Variants in PTPN6 observed in about 807,000 individuals in gnomAD.
PTPN6 encodes the protein tyrosine-protein phosphatase non-receptor type 6.
In PTPN6, 18 loss-of-function variants were observed where a neutral mutation model predicts 81.5. The ratio of observed to expected loss-of-function variants is 0.22; its 90% CI spans 0.15 to 0.33. The LOEUF (loss-of-function observed/expected upper bound fraction) is 0.33, where lower values mean the gene tolerates loss of function less well. Ranked by LOEUF, PTPN6 falls within the 10% of genes least tolerant of loss-of-function variation. The probability of loss-of-function intolerance (pLI) is 1.00; values close to 1 mark genes in which losing one functional copy is unlikely to be tolerated. For missense variants in PTPN6, 500 were observed against 794.2 expected (o/e 0.63, Z 4.45); for synonymous variants, 301 against 310.9 (o/e 0.97, Z 0.33).
rs1337693470 is a variant in PTPN6, at chr12:6,952,300, A to C, written c.326+123A>C. 4.2e-6 allele frequency: 5 copies of C among 1,179,086 alleles called. No homozygotes were observed. In the African/African-American group the frequency reaches 4.5e-5, roughly 11 times the overall value. The allele number at this position is 1,179,086 out of a possible 1,614,324, so 73.0% of individuals were successfully genotyped here. A position where few individuals can be genotyped will look rare whatever the true frequency, so the allele number is the denominator to read the frequency against. On this transcript the variant is annotated intron_variant, in intron 3 of 15. Coordinates refer to ENST00000318974, the MANE Select transcript of PTPN6 (RefSeq NM_002831.6). The surrounding 1 kb of genome is among the most constrained non-coding windows in gnomAD (Gnocchi z 8.1). The stretch of plus-strand genomic sequence containing the variant: ...ACCCTCCATCCCCTCCCCTCCCTGC[A>C]CCAGCTGGGGCTCTCAATGTCCCTC...
Position 6,956,599 on chromosome 12 carries a change from C to T in PTPN6, c.1074+31C>T. On this transcript the variant is annotated intron_variant, in intron 9 of 15. Transcript: ENST00000318974. This position sits in a 1 kb window ranked among gnomAD's most constrained non-coding sequence, Gnocchi z 4.1. ...GCGCCCCCCCTTCCCCGCATCCGCC[C>T]CCGTGCTTGTGGTCATGCCATTAAG... The T allele has an allele frequency of 1.9e-6, 3 of 1,612,566 alleles. No homozygotes were observed. The highest frequency in any genetic ancestry group is 1.7e-6 in the Non-Finnish European group (2 of 1,179,796).
upstream of PTPN6, chr12:6,951,215 G>A: frequency 1.1e-5 from 15 of 1,415,930 alleles, no homozygotes; most frequent in South Asian, 2.1e-4. This position sits in a 1 kb window ranked among gnomAD's most constrained non-coding sequence, Gnocchi z 7.2. Flanking sequence ...CGTGTGGGAA[G>A]TGGGCCCCGT....
upstream of PTPN6, among the ~76,000 whole-genome samples, chr12:6,948,259 C>T (rs140150745): frequency 3.4e-4 from 52 of 151,856 alleles, no homozygotes; most frequent in African/African-American, 1.2e-3. Context: ...ATCTCTACTA[C>T]GACTACGACT....
chr12:6,960,303 C>T lies in PTPN6; in HGVS notation c.1582-41C>T, dbSNP rs1555149582. 1.2e-6 allele frequency: 2 copies of T among 1,611,008 alleles called. No individual in the cohort carries two copies. Among genetic ancestry groups the T allele is most frequent in the Admixed American group, 3.3e-5 (2 of 59,988 alleles). On this transcript the variant is annotated intron_variant, in intron 13 of 15. Coordinates refer to ENST00000318974, the MANE Select transcript of PTPN6 (RefSeq NM_002831.6). The surrounding 1 kb of genome is among the most constrained non-coding windows in gnomAD (Gnocchi z 6.1). The stretch of plus-strand genomic sequence containing the variant: ...AGTGCAGGATGGGTGCCACCTGGCC[C>T]TGCTGGGACCACCACCTTCCCACTG...
chr12:6,960,535 CT>C lies in PTPN6; in HGVS notation c.1673+101del, dbSNP rs1328783885. ...GGACAAGTGTTGCAGCTGGGGGGAC[CT>C]GGCTTCAAGTTCAGGCTTGGTTCTC... is the stretch of plus-strand genomic sequence containing the variant. On this transcript the variant is annotated intron_variant, in intron 14 of 15. Coordinates refer to ENST00000318974, the MANE Select transcript of PTPN6 (RefSeq NM_002831.6). The surrounding 1 kb of genome is among the most constrained non-coding windows in gnomAD (Gnocchi z 6.1). 5.2e-5 allele frequency: 76 copies of C among 1,457,396 alleles called. No homozygotes were observed. The highest frequency in any genetic ancestry group is 7.0e-5 in the Non-Finnish European group (74 of 1,061,272). 90.3% of individuals were successfully genotyped at this position (1,457,396 alleles called of 1,614,324 possible). A position where few individuals can be genotyped will look rare whatever the true frequency, so the allele number is the denominator to read the frequency against.
upstream of PTPN6, chr12:6,946,613 G>C (rs1945821332): frequency 2.4e-6 from 2 of 846,920 alleles, no homozygotes; most frequent in African/African-American, 3.4e-5. Flanking sequence ...GGAAGTGGCT[G>C]ATTACTGAGC....
rs1555147740 is a variant in PTPN6 at position 6,951,585 on chromosome 12, C to T, written c.9-24C>T. The stretch of plus-strand genomic sequence containing the variant: ...GCCTGGTGCCCACGGGACCCCTCCT[C>T]ACTGCCCTGCCTGGGCCGCCCAGGT... On this transcript the variant is annotated intron_variant, in intron 1 of 15. Transcript: ENST00000318974. This position sits in a 1 kb window ranked among gnomAD's most constrained non-coding sequence, Gnocchi z 7.2. The T allele has an allele frequency of 1.9e-6, 3 of 1,613,906 alleles. No individual in the cohort carries two copies. Among genetic ancestry groups the T allele is most frequent in the South Asian group, 1.1e-5 (1 of 91,060 alleles).
rs1945992189 is a variant in PTPN6 at position 6,954,746 on chromosome 12, C to G, written c.327-59C>G. On this transcript the variant is annotated intron_variant, in intron 3 of 15. Coordinates refer to ENST00000318974, the MANE Select transcript of PTPN6 (RefSeq NM_002831.6). This position sits in a 1 kb window ranked among gnomAD's most constrained non-coding sequence, Gnocchi z 5.4. Reference sequence around the variant, plus strand: ...TTCCGGCCCCTCTCTGTGAATGTCTCTGCTCAGCGCCTTCCCCTGTGGCCT... The same window carrying G: ...TTCCGGCCCCTCTCTGTGAATGTCTGTGCTCAGCGCCTTCCCCTGTGGCCT... 3 of 1,546,212 alleles carry G rather than the reference C, an allele frequency of 1.9e-6. No homozygotes were observed. Among genetic ancestry groups the G allele is most frequent in the Non-Finnish European group, 2.6e-6 (3 of 1,133,726 alleles).
chr12:6,955,608 C>T lies in PTPN6; in HGVS notation c.748-52C>T, dbSNP rs113260400. Reference sequence around the variant, plus strand: ...CTGACCCACCCCACGTGAGCTCCCCCGATGGATGCCCTCTTTGGGAGCTGA... The same window carrying T: ...CTGACCCACCCCACGTGAGCTCCCCTGATGGATGCCCTCTTTGGGAGCTGA... On this transcript the variant is annotated intron_variant, in intron 6 of 15. Coordinates refer to ENST00000318974, the MANE Select transcript of PTPN6 (RefSeq NM_002831.6). This position sits in a 1 kb window ranked among gnomAD's most constrained non-coding sequence, Gnocchi z 7.2. 11,631 of 1,587,324 alleles carry T rather than the reference C, an allele frequency of 7.3e-3. 57 individuals carry two copies. Among genetic ancestry groups the T allele is most frequent in the Middle Eastern group, 0.016 (99 of 6,016 alleles).
upstream of PTPN6, chr12:6,946,693 C>T (rs782010650): frequency 6.2e-7 from 1 of 1,603,992 alleles, no homozygotes; most frequent in Non-Finnish European, 8.5e-7. Context: ...CCCCTGCGGC[C>T]CTCTGCCGTG....
chr12:6,948,591 CGAAA>C (rs1182478860), upstream of PTPN6, among the ~76,000 whole-genome samples: 1 of 150,334 alleles, frequency 6.7e-6, no homozygotes, highest in Non-Finnish European at 1.5e-5. Flanking sequence ...GACACCCAGT[CGAAA>C]GAAGAAAGGA....
In PTPN6 at chr12:6,960,729, G is replaced by A. The variant is rs1946123872; in HGVS notation, c.1674-77G>A. 5 of 1,551,468 alleles carry A rather than the reference G, an allele frequency of 3.2e-6. No homozygotes were observed. The highest frequency in any genetic ancestry group is 4.4e-6 in the Non-Finnish European group (5 of 1,147,014). On this transcript the variant is annotated intron_variant, in intron 14 of 15. Coordinates refer to ENST00000318974, the MANE Select transcript of PTPN6 (RefSeq NM_002831.6). This position sits in a 1 kb window ranked among gnomAD's most constrained non-coding sequence, Gnocchi z 6.1. Reference sequence around the variant, plus strand: ...TGAGACGGGGTGGCCAGAGGGGACTGCCAGTGCCGGGTCCCCCTGTGCTGT... The same window carrying A: ...TGAGACGGGGTGGCCAGAGGGGACTACCAGTGCCGGGTCCCCCTGTGCTGT...
chr12:6,960,021 T>TGG lies in PTPN6; in HGVS notation c.1429+32_1429+33dup. ...TGAGGGGCACCTGGGGGTTTGGGGG[T>TGG]GGGGGGTGAGCAGCCCCTCGGTGTC... On this transcript the variant is annotated intron_variant, in intron 12 of 15. Coordinates refer to ENST00000318974, the MANE Select transcript of PTPN6 (RefSeq NM_002831.6). This position sits in a 1 kb window ranked among gnomAD's most constrained non-coding sequence, Gnocchi z 6.1. The TGG allele has an allele frequency of 1.1e-6, 1 of 940,220 alleles. No homozygotes were observed. The highest frequency in any genetic ancestry group is 3.9e-5 in the East Asian group (1 of 25,738). 58.2% of individuals were successfully genotyped at this position (940,220 alleles called of 1,614,324 possible).
chr12:6,949,583 A>T (rs1189215939), upstream of PTPN6, among the ~76,000 whole-genome samples: 4 of 152,136 alleles, frequency 2.6e-5, no homozygotes, highest in African/African-American at 4.8e-5. Flanking sequence ...ACACCTACTA[A>T]GTAGGGTTGG....
Position 6,960,817 on chromosome 12 carries a change from A to T in PTPN6, c.1685A>T (p.Asp562Val). 1 of 1,566,324 alleles carries T rather than the reference A, an allele frequency of 6.4e-7. No individual in the cohort carries two copies. ...GCACCCGGCTGCAGACACAAGGAGG[A>T]TGTGTATGAGAACCTGCACACTAAG... The part of the protein sequence containing the change: ...ASRTSSKHKE[D>V]VYENLHTKNK... Residue 562 changes from aspartate to valine, a missense_variant, in exon 15 of 16, where the codon GAT becomes GTT. Around this residue, in one of 6 missense-constraint regions of PTPN6, gnomAD observed 56 missense variants for 56.4 expected, o/e 0.99. Transcript: ENST00000318974. The surrounding 1 kb of genome is among the most constrained non-coding windows in gnomAD (Gnocchi z 6.1).
chr12:6,951,955 A>G lies in PTPN6; in HGVS notation c.132-28A>G, dbSNP rs1283376929. 6 of 1,609,854 alleles carry G rather than the reference A, an allele frequency of 3.7e-6. No individual in the cohort carries two copies. The highest frequency in any genetic ancestry group is 1.7e-5 in the Admixed American group (1 of 59,740). ...CCCTCCTGCCTCTACTCCTGCACCGACTGGCCTCACCGCCTGGTGCCCTGC... is the reference window on the plus strand; with the variant it reads ...CCCTCCTGCCTCTACTCCTGCACCGGCTGGCCTCACCGCCTGGTGCCCTGC... On this transcript the variant is annotated intron_variant, in intron 2 of 15. Transcript: ENST00000318974. This position sits in a 1 kb window ranked among gnomAD's most constrained non-coding sequence, Gnocchi z 7.2.
chr12:6,950,554 A>T (rs1945907112), upstream of PTPN6, among the ~76,000 whole-genome samples: 1 of 152,118 alleles, frequency 6.6e-6, no homozygotes, highest in African/African-American at 2.4e-5. Flanking sequence ...GAAAGGACCC[A>T]TGTTGACAGG....
Position 6,957,817 on chromosome 12 carries a change from G to A in PTPN6, c.1206+32G>A. On this transcript the variant is annotated intron_variant, in intron 10 of 15. Transcript: ENST00000318974. This position sits in a 1 kb window ranked among gnomAD's most constrained non-coding sequence, Gnocchi z 6.5. The stretch of plus-strand genomic sequence containing the variant: ...GGCCCCCACGCCCTGCCCCATTCCG[G>A]GAGTCCCTCCCTGGACTTGTTCTCC... The A allele has an allele frequency of 6.2e-7, 1 of 1,614,066 alleles. No individual in the cohort carries two copies. Among genetic ancestry groups the A allele is most frequent in the South Asian group, 1.1e-5 (1 of 91,084 alleles).
At position 6,960,135 on chromosome 12, in the gene PTPN6, G is replaced by T; in HGVS notation, c.1477G>T (p.Ala493Ser). The T allele has an allele frequency of 6.2e-7, 1 of 1,613,784 alleles. No homozygotes were observed. The highest frequency in any genetic ancestry group is 8.5e-7 in the Non-Finnish European group (1 of 1,180,020). Residue 493 changes from alanine to serine, a missense_variant, in exon 13 of 16, where the codon GCG (alanine) becomes TCG (serine). Coordinates refer to ENST00000318974, the MANE Select transcript of PTPN6 (RefSeq NM_002831.6). The surrounding 1 kb of genome is among the most constrained non-coding windows in gnomAD (Gnocchi z 6.1). ...CCAGAAGACCATCCAGATGGTGCGG[G>T]CGCAGCGCTCGGGCATGGTGCAGAC... ...DIQKTIQMVR[A>S]QRSGMVQTEA...
Sources: gnomAD v4.1 joint callset for allele counts (sites outside exome capture counted in the v4.1 genomes callset) on GRCh38, gnomAD v4.1.1 for gene constraint, gnomAD v4.1.1 regional missense constraint, Gnocchi (gnomAD v3.1) non-coding constraint, MANE v1.5 for transcripts, NCBI Gene and HGNC (gene_info 2026-07-23, HGNC 2026-07-21) for gene names.